EIF3H: variants seen among roughly 807,000 people sequenced by gnomAD.
EIF3H encodes the protein eukaryotic translation initiation factor 3 subunit H, also known as eIF-3-gamma.
Under a neutral mutation model 44.2 loss-of-function variants are expected in EIF3H, and 26 were observed. The observed-to-expected ratio is 0.59, with a 90% CI of 0.43 to 0.82. EIF3H has a LOEUF of 0.82. Among genes scored for constraint, EIF3H ranks in the 40% least tolerant of loss-of-function variants. The probability of loss-of-function intolerance (pLI) is 0.00; values close to 1 mark genes in which losing one functional copy is unlikely to be tolerated. For synonymous variants in EIF3H, 166 were observed against 151.9 expected (o/e 1.09, Z -0.68); for missense variants, 359 against 432.8 (o/e 0.83, Z 1.51).
intron 1 of EIF3H, among the ~76,000 whole-genome samples, chr8:116,727,850 T>C (rs1283705143): frequency 6.6e-6 from 1 of 152,220 alleles, no homozygotes; most frequent in Admixed American, 6.5e-5. Flanking sequence ...GTCCTGCTTT[T>C]CTAATGAACT....
intron 5 of EIF3H, among the ~76,000 whole-genome samples, chr8:116,652,938 G>A (rs1431886087): frequency 6.6e-6 from 1 of 152,178 alleles, no homozygotes; most frequent in Non-Finnish European, 1.5e-5. Context: ...GCTATACTAA[G>A]TATAGGAAAT....
chr8:116,694,329 G>T (rs1814230757), intron 2 of EIF3H, among the ~76,000 whole-genome samples: 1 of 152,058 alleles, frequency 6.6e-6, no homozygotes, highest in Non-Finnish European at 1.5e-5. Context: ...GTTATAATTT[G>T]AAATTGCATT....
intron 2 of EIF3H, among the ~76,000 whole-genome samples, chr8:116,690,059 AAGTC>A (rs1450070455): frequency 6.6e-6 from 1 of 152,202 alleles, no homozygotes; most frequent in Non-Finnish European, 1.5e-5. Context: ...TTATTTCTAA[AAGTC>A]AGTCATATCT....
chr8:116,740,031 T>A (rs969090291), intron 1 of EIF3H, among the ~76,000 whole-genome samples: 1 of 152,154 alleles, frequency 6.6e-6, no homozygotes, highest in Non-Finnish European at 1.5e-5. Flanking sequence ...CACTTGGATA[T>A]CACAGCAGTG....
intron 1 of EIF3H, among the ~76,000 whole-genome samples, chr8:116,761,664 T>G (rs1379774846): frequency 6.6e-6 from 1 of 152,250 alleles, no homozygotes; most frequent in Admixed American, 6.5e-5. Flanking sequence ...TTTATAGTGA[T>G]CCGACAATAG....
At chr8:116,692,739 G>A (rs1045243682) in intron 2 of EIF3H, among the ~76,000 whole-genome samples, 1 of 152,138 alleles carries the variant, frequency 6.6e-6, no homozygotes, top group African/African-American at 2.4e-5. Context: ...TATTCGTAAT[G>A]TTTAATGAGT....
chr8:116,756,101 T>A (rs1586499306), upstream of EIF3H: 1 of 1,169,072 alleles, frequency 8.6e-7, no homozygotes, highest in East Asian at 2.6e-5. Flanking sequence ...TTCGCATTAT[T>A]TCTGTAGTGT....
chr8:116,754,275 G>A (rs905438279), intron 1 of EIF3H, among the ~76,000 whole-genome samples: 10 of 152,064 alleles, frequency 6.6e-5, no homozygotes, highest in African/African-American at 2.2e-4. Context: ...CAACATGCCC[G>A]GCTAATTTTG....
At chr8:116,740,362 CAAGAA>C (rs1463930394) in intron 1 of EIF3H, among the ~76,000 whole-genome samples, 2 of 152,162 alleles carry the variant, frequency 1.3e-5, no homozygotes, top group African/African-American at 4.8e-5. Context: ...TTGAGAAGAG[CAAGAA>C]ATGAATAGTT....
At chr8:116,730,545 C>T (rs1191099104) in intron 1 of EIF3H, among the ~76,000 whole-genome samples, 1 of 152,176 alleles carries the variant, frequency 6.6e-6, no homozygotes, top group African/African-American at 2.4e-5. Context: ...AAAGGAAATT[C>T]CTGATTAAAT....
intron 1 of EIF3H, among the ~76,000 whole-genome samples, chr8:116,736,552 C>CT (rs1445353501): frequency 6.6e-6 from 1 of 152,080 alleles, no homozygotes; most frequent in Non-Finnish European, 1.5e-5. Context: ...GTTCCAGCTA[C>CT]TTGGGAGGCT....
chr8:116,653,348 A>AACACACACAC (rs771922316), intron 5 of EIF3H, among the ~76,000 whole-genome samples: 4,128 of 144,334 alleles, frequency 0.029, 84 homozygotes, highest in Middle Eastern at 0.076. Flanking sequence ...AACAATCAGA[A>AACACACACAC]ACACACACAC....
In EIF3H at chr8:116,730,031, G is replaced by GA. The variant is rs1288751395; in HGVS notation, c.133-3860dup. Among the ~76,000 whole-genome samples, 6 of 152,212 alleles carry GA rather than the reference G, an allele frequency of 3.9e-5. No homozygotes were observed. The East Asian group carries it at 9.6e-4, about 24-fold the overall frequency. On this transcript the variant is annotated intron_variant, in intron 1 of 7. Coordinates refer to ENST00000521861, the MANE Select transcript of EIF3H (RefSeq NM_003756.3). ...TAATATAATCTGATAAAGTACTCAG[G>GA]AAAAAATCACTATTATCAAAACTAA...
intron 6 of EIF3H, among the ~76,000 whole-genome samples, chr8:116,647,254 A>C (rs1813318779): frequency 6.6e-6 from 1 of 151,398 alleles, no homozygotes; most frequent in Non-Finnish European, 1.5e-5. Flanking sequence ...GGCGCCCACC[A>C]CCACACCCGG....
chr8:116,663,930 C>CCA (rs1813625783), intron 2 of EIF3H, among the ~76,000 whole-genome samples: 1 of 76,210 alleles, frequency 1.3e-5, no homozygotes, highest in Non-Finnish European at 2.7e-5. Flanking sequence ...GACTCAGTCT[C>CCA]AAAAAAAAAA....
At chr8:116,674,475 C>CT (rs1343243422) in intron 2 of EIF3H, among the ~76,000 whole-genome samples, 4 of 152,108 alleles carry the variant, frequency 2.6e-5, no homozygotes, top group Non-Finnish European at 5.9e-5. Context: ...TTTTTCCAGT[C>CT]TATGTCATAA....
intron 2 of EIF3H, among the ~76,000 whole-genome samples, chr8:116,659,337 T>C (rs920011437): frequency 2.6e-5 from 4 of 152,220 alleles, no homozygotes; most frequent in African/African-American, 9.7e-5. Context: ...ACTAAATTGG[T>C]TGGTTGTAAG....
chr8:116,734,704 C>T (rs1261302955), intron 1 of EIF3H, among the ~76,000 whole-genome samples: 1 of 152,020 alleles, frequency 6.6e-6, no homozygotes, highest in African/African-American at 2.4e-5. Context: ...TACAGGTGCA[C>T]GCCACCACAC....
At chr8:116,657,083 C>G in intron 4 of EIF3H, 132 bp downstream of exon 4, 1 of 730,516 alleles carries the variant, frequency 1.4e-6, no homozygotes, top group South Asian at 1.6e-5. Flanking sequence ...CAGCACTCGG[C>G]ATGCAGAAAA....
Sources: allele counts gnomAD v4.1 joint callset (sites outside exome capture counted in the v4.1 genomes callset), GRCh38; gene constraint gnomAD v4.1.1; transcripts MANE v1.5; gene names NCBI Gene and HGNC (gene_info 2026-07-23, HGNC 2026-07-21).